Variants in CAMK2B observed in about 807,000 individuals in gnomAD.
CAMK2B encodes the protein calcium/calmodulin-dependent protein kinase type II subunit beta.
In CAMK2B, 27 loss-of-function variants were observed where a neutral mutation model predicts 93.7. The ratio of observed to expected loss-of-function variants is 0.29; its 90% CI spans 0.21 to 0.40. CAMK2B has a LOEUF of 0.40. CAMK2B is among the 10% of genes least tolerant of loss of function. CAMK2B has a pLI of 1.00. For missense variants in CAMK2B, 568 were observed against 895.8 expected (o/e 0.63, Z 4.67); for synonymous variants, 374 against 358.8 (o/e 1.04, Z -0.48).
chr7:44,225,389 G>A lies in CAMK2B; in HGVS notation c.1597+1127C>T, dbSNP rs956832530. 3.6e-4 allele frequency among the ~76,000 whole-genome samples: 55 copies of A among 152,040 alleles called. No homozygotes were observed. The highest frequency in any genetic ancestry group is 1.2e-3 in the African/African-American group (51 of 41,468). ...GGTGCACCCACCCCAGCTGCACGGC[G>A]GCCCCTCCCCATGCCTCCCTCCTTG... On this transcript the variant is annotated intron_variant, in intron 20 of 23. Transcript: ENST00000395749. The surrounding 1 kb of genome is among the most constrained non-coding windows in gnomAD (Gnocchi z 5.0).
intron 1 of CAMK2B, among the ~76,000 whole-genome samples, chr7:44,303,139 A>C (rs1157381322): frequency 6.6e-6 from 1 of 152,312 alleles, no homozygotes; most frequent in Non-Finnish European, 1.5e-5. Context: ...ATTTTAAAAC[A>C]CAATACCATT....
At chr7:44,244,568 T>C (rs1243497376) in intron 6 of CAMK2B, among the ~76,000 whole-genome samples, 1 of 151,908 alleles carries the variant, frequency 6.6e-6, no homozygotes, top group Admixed American at 6.6e-5. Flanking sequence ...TGGCACTGCT[T>C]CCATCTGATG....
At chr7:44,245,545 G>A (rs1012709544) in intron 6 of CAMK2B, among the ~76,000 whole-genome samples, 1 of 152,162 alleles carries the variant, frequency 6.6e-6, no homozygotes, top group Non-Finnish European at 1.5e-5. Flanking sequence ...CAATGTCTGT[G>A]GCCCCTCACA....
At chr7:44,323,602 G>A (rs577943298) in intron 1 of CAMK2B, among the ~76,000 whole-genome samples, 1 of 152,362 alleles carries the variant, frequency 6.6e-6, no homozygotes, top group South Asian at 2.1e-4. Context: ...AGAAGGAACA[G>A]CCAGAGTGAG....
At chr7:44,262,963 A>G in intron 3 of CAMK2B, 42 bp downstream of exon 3, 6 of 1,546,484 alleles carry the variant, frequency 3.9e-6, no homozygotes, top group African/African-American at 1.4e-5. Flanking sequence ...TGTCCGGGAG[A>G]AGGTGGGGAC....
At chr7:44,314,311 T>C (rs1304766372) in intron 1 of CAMK2B, among the ~76,000 whole-genome samples, 1 of 152,208 alleles carries the variant, frequency 6.6e-6, no homozygotes, top group Non-Finnish European at 1.5e-5. Context: ...CCATTCTCGC[T>C]CCAGTTTTTG....
chr7:44,239,763 G>C (rs1238832919), intron 12 of CAMK2B, 100 bp from the exon 13 acceptor site: 1 of 826,566 alleles, frequency 1.2e-6, no homozygotes, highest in Non-Finnish European at 2.0e-6. Flanking sequence ...GGAAGCAGAA[G>C]AAGATTAGAG....
chr7:44,254,496 G>A (rs778510794), intron 5 of CAMK2B, 46 bp downstream of exon 5: 10 of 1,374,084 alleles, frequency 7.3e-6, no homozygotes, highest in Non-Finnish European at 1.0e-5. Flanking sequence ...GGATGGTGAG[G>A]GTATAAAGGA....
intron 20 of CAMK2B, among the ~76,000 whole-genome samples, chr7:44,222,106 C>T (rs776219536): frequency 2.0e-5 from 3 of 152,084 alleles, no homozygotes; most frequent in East Asian, 3.9e-4. Context: ...CACATGCACA[C>T]GCACGCTCAC....
At chr7:44,283,681 C>A (rs1255343273) in intron 2 of CAMK2B, among the ~76,000 whole-genome samples, 1 of 152,240 alleles carries the variant, frequency 6.6e-6, no homozygotes, top group South Asian at 2.1e-4. Context: ...TCACCTGAAA[C>A]TTTGTCACTG....
At chr7:44,309,422 C>T (rs1165449217) in intron 1 of CAMK2B, among the ~76,000 whole-genome samples, 1 of 152,092 alleles carries the variant, frequency 6.6e-6, no homozygotes, top group Non-Finnish European at 1.5e-5. Flanking sequence ...GGCTGGGCTG[C>T]GCCTCCAGCC....
At chr7:44,264,381 C>T (rs1354304557) in intron 2 of CAMK2B, among the ~76,000 whole-genome samples, 5 of 152,112 alleles carry the variant, frequency 3.3e-5, no homozygotes, top group African/African-American at 1.2e-4. Flanking sequence ...ACAGGATATG[C>T]CTGCAAACAC....
rs1434881655 is a variant in CAMK2B at position 44,286,558 on chromosome 7, C to T, written c.66-2333G>A. On this transcript the variant is annotated intron_variant, in intron 1 of 23. Coordinates refer to ENST00000395749, the MANE Select transcript of CAMK2B (RefSeq NM_001220.5). This position sits in a 1 kb window ranked among gnomAD's most constrained non-coding sequence, Gnocchi z 4.0. ...CTCAGACAGGTACCGGAGCAGAGGG[C>T]GGCAAGCCACAGCTGTTCCTCAGCA... is the stretch of plus-strand genomic sequence containing the variant. 2.0e-5 allele frequency among the ~76,000 whole-genome samples: 3 copies of T among 152,192 alleles called. No individual in the cohort carries two copies. The highest frequency in any genetic ancestry group is 6.5e-5 in the Admixed American group (1 of 15,288).
intron 5 of CAMK2B, among the ~76,000 whole-genome samples, chr7:44,254,166 G>A (rs898631007): frequency 5.9e-5 from 9 of 152,170 alleles, no homozygotes; most frequent in Middle Eastern, 3.2e-3. Flanking sequence ...GCCACAAACA[G>A]TCATCTCTGA....
At position 44,286,126 on chromosome 7, in the gene CAMK2B, T is replaced by C. The variant is rs1785022827; in HGVS notation, c.66-1901A>G. On this transcript the variant is annotated intron_variant, in intron 1 of 23. Coordinates refer to ENST00000395749, the MANE Select transcript of CAMK2B (RefSeq NM_001220.5). The surrounding 1 kb of genome is among the most constrained non-coding windows in gnomAD (Gnocchi z 4.0). ...GGTGACACAGCTCTCTGAGCCTCAG[T>C]TTCCCCATCCATATGACTGAGCAGA... Among the ~76,000 whole-genome samples, 1 of 152,068 alleles carries C rather than the reference T, an allele frequency of 6.6e-6. No homozygotes were observed.
At chr7:44,246,449 A>G (rs1365496582) in intron 6 of CAMK2B, among the ~76,000 whole-genome samples, 1 of 151,920 alleles carries the variant, frequency 6.6e-6, no homozygotes, top group Non-Finnish European at 1.5e-5. Flanking sequence ...ACAGACACAC[A>G]CACACATGCA....
intron 4 of CAMK2B, among the ~76,000 whole-genome samples, chr7:44,255,706 T>C (rs548060794): frequency 6.6e-6 from 1 of 152,276 alleles, no homozygotes; most frequent in African/African-American, 2.4e-5. Flanking sequence ...GGCCCAGCAC[T>C]TGGGGCTGGG....
chr7:44,294,938 C>T (rs1787888418), intron 1 of CAMK2B, among the ~76,000 whole-genome samples: 1 of 152,230 alleles, frequency 6.6e-6, no homozygotes, highest in South Asian at 2.1e-4. Flanking sequence ...ACTGCACTTT[C>T]TGTCCCACCT....
chr7:44,242,967 T>C (rs2096696030), intron 8 of CAMK2B, among the ~76,000 whole-genome samples: 1 of 152,086 alleles, frequency 6.6e-6, no homozygotes, highest in Non-Finnish European at 1.5e-5. Flanking sequence ...CCCTGACCTC[T>C]CTTCTCCACT....
Sources: allele counts gnomAD v4.1 joint callset (sites outside exome capture counted in the v4.1 genomes callset), GRCh38; gene constraint gnomAD v4.1.1; non-coding constraint Gnocchi (gnomAD v3.1); transcripts MANE v1.5; gene names NCBI Gene and HGNC (gene_info 2026-07-23, HGNC 2026-07-21).